FAM110B: variants seen among roughly 807,000 people sequenced by gnomAD.
FAM110B encodes protein FAM110B.
FAM110B carries 6 observed loss-of-function variants against 20.4 expected under a neutral mutation model. That is an observed-to-expected ratio of 0.29 (90% CI 0.16 to 0.58). FAM110B has a LOEUF of 0.58. FAM110B is among the 20% of genes least tolerant of loss of function. The pLI is 0.90. For missense variants in FAM110B, 434 were observed against 498.2 expected, an observed-to-expected ratio of 0.87 and a Z score of 1.23; for synonymous variants, 226 against 214.1, an observed-to-expected ratio of 1.06 and a Z score of -0.49.
At chr8:58,082,547 G>A (rs1205067202) in intron 3 of FAM110B, among the ~76,000 whole-genome samples, 4 of 152,200 alleles carry the variant, frequency 2.6e-5, no homozygotes, top group Non-Finnish European at 4.4e-5. Flanking sequence ...AGGCACTTGT[G>A]AAAATCTGAT....
chr8:58,010,572 T>A (rs188342844), intron 1 of FAM110B, among the ~76,000 whole-genome samples: 1 of 152,302 alleles, frequency 6.6e-6, no homozygotes, highest in Admixed American at 6.5e-5. Flanking sequence ...TGCTAGGTGC[T>A]GGGAGTAAAG....
intron 3 of FAM110B, among the ~76,000 whole-genome samples, chr8:58,089,889 G>A (rs1477137835): frequency 6.6e-6 from 1 of 152,180 alleles, no homozygotes; most frequent in African/African-American, 2.4e-5. Flanking sequence ...TTATACACAT[G>A]CAGTATGATT....
chr8:58,025,303 C>T (rs533847418), intron 1 of FAM110B, among the ~76,000 whole-genome samples: 2 of 152,138 alleles, frequency 1.3e-5, no homozygotes, highest in Non-Finnish European at 2.9e-5. Context: ...GGGCATGGGC[C>T]GAAAGTCTCC....
At chr8:58,007,015 C>T (rs1297834860) in intron 1 of FAM110B, among the ~76,000 whole-genome samples, 1 of 151,334 alleles carries the variant, frequency 6.6e-6, no homozygotes, top group Admixed American at 6.6e-5. Flanking sequence ...TCCTAGCCAA[C>T]CAGTATTTCA....
At chr8:58,072,551 T>C (rs189181024) in intron 2 of FAM110B, among the ~76,000 whole-genome samples, 1 of 152,346 alleles carries the variant, frequency 6.6e-6, no homozygotes, top group East Asian at 1.9e-4. Context: ...GTCTTAACTT[T>C]TTAAAAACTA....
At chr8:58,028,773 C>T (rs1430724051) in intron 1 of FAM110B, among the ~76,000 whole-genome samples, 2 of 152,196 alleles carry the variant, frequency 1.3e-5, no homozygotes, top group Non-Finnish European at 2.9e-5. Context: ...GTTCTTCTGT[C>T]ATCTGTTGGC....
chr8:58,097,307 G>A, intron 3 of FAM110B, among the ~76,000 whole-genome samples: 1 of 152,160 alleles, frequency 6.6e-6, no homozygotes, highest in East Asian at 1.9e-4. Flanking sequence ...ATCAGTCTCT[G>A]ATATCCTTTA....
intron 1 of FAM110B, among the ~76,000 whole-genome samples, chr8:57,998,978 T>C (rs1284195799): frequency 6.6e-6 from 1 of 152,206 alleles, no homozygotes. Flanking sequence ...GTTTTTCACA[T>C]TTTACAGTTC....
At chr8:58,112,607 C>T (rs748131535) in intron 3 of FAM110B, among the ~76,000 whole-genome samples, 1 of 152,242 alleles carries the variant, frequency 6.6e-6, no homozygotes, top group Non-Finnish European at 1.5e-5. Flanking sequence ...GGCCACGCCC[C>T]TGGGCTCTCC....
intron 2 of FAM110B, among the ~76,000 whole-genome samples, chr8:58,061,886 G>T (rs1805664665): frequency 1.3e-5 from 2 of 152,104 alleles, no homozygotes; most frequent in African/African-American, 4.8e-5. Context: ...TCTTTTTATT[G>T]GGTCCATAAA....
intron 2 of FAM110B, among the ~76,000 whole-genome samples, chr8:58,052,830 G>GGC (rs1805476296): frequency 8.1e-6 from 1 of 124,108 alleles, no homozygotes; most frequent in African/African-American, 3.0e-5. Flanking sequence ...CTGTCGCCCA[G>GGC]GCTGGAGTGC....
chr8:58,132,659 G>A (rs1803504156), intron 3 of FAM110B, among the ~76,000 whole-genome samples: 1 of 152,174 alleles, frequency 6.6e-6, no homozygotes, highest in Non-Finnish European at 1.5e-5. Context: ...CACCCTGCCT[G>A]GCATGAGGTC....
chr8:58,107,422 A>G (rs1042271514), intron 3 of FAM110B, among the ~76,000 whole-genome samples: 1 of 152,216 alleles, frequency 6.6e-6, no homozygotes, highest in African/African-American at 2.4e-5. Context: ...TGCATTATAC[A>G]TAGCAAGTTT....
At chr8:58,059,578 C>T (rs528648110) in intron 2 of FAM110B, among the ~76,000 whole-genome samples, 5 of 150,630 alleles carry the variant, frequency 3.3e-5, no homozygotes, top group African/African-American at 1.2e-4. Context: ...AGTCTTTTGC[C>T]CCCTTTTTAA....
intron 1 of FAM110B, among the ~76,000 whole-genome samples, chr8:58,012,051 TCTGCA>T (rs1223278881): frequency 6.6e-6 from 1 of 152,200 alleles, no homozygotes; most frequent in East Asian, 1.9e-4. Context: ...CCTAGTGTAC[TCTGCA>T]CTTTACACAC....
chr8:58,023,837 T>C (rs1416571400), intron 1 of FAM110B, among the ~76,000 whole-genome samples: 1 of 152,224 alleles, frequency 6.6e-6, no homozygotes, highest in Non-Finnish European at 1.5e-5. Context: ...AACATGTATT[T>C]GTATACTAAG....
At chr8:58,012,684 G>A (rs1047158518) in intron 1 of FAM110B, among the ~76,000 whole-genome samples, 2 of 152,212 alleles carry the variant, frequency 1.3e-5, no homozygotes, top group African/African-American at 4.8e-5. Flanking sequence ...CTGGGCCTGT[G>A]GAGGACTGCT....
intron 3 of FAM110B, among the ~76,000 whole-genome samples, chr8:58,092,891 C>T (rs1806517637): frequency 6.6e-6 from 1 of 152,200 alleles, no homozygotes. Flanking sequence ...TATTTCTCCA[C>T]ATCCTCTCTA....
intron 1 of FAM110B, among the ~76,000 whole-genome samples, chr8:58,006,532 C>G (rs67784763): frequency 0.066 from 10,091 of 152,008 alleles, 416 homozygotes; most frequent in East Asian, 0.17. Context: ...CTGGCTGGGT[C>G]CAAGTGTAAT....
Sources: gnomAD v4.1 joint callset for allele counts (sites outside exome capture counted in the v4.1 genomes callset) on GRCh38, gnomAD v4.1.1 for gene constraint, MANE v1.5 for transcripts, NCBI Gene and HGNC (gene_info 2026-07-23, HGNC 2026-07-21) for gene names.